Variants in ABLIM1 observed in about 807,000 individuals in gnomAD.
The protein encoded by ABLIM1 is actin binding LIM protein 1.
In ABLIM1, 40 loss-of-function variants were observed where a neutral mutation model predicts 107.0. The ratio of observed to expected loss-of-function variants is 0.37; its 90% CI spans 0.29 to 0.49. The LOEUF (loss-of-function observed/expected upper bound fraction) is 0.49. ABLIM1 is among the 20% of genes least tolerant of loss of function. The pLI is 0.97. For missense variants in ABLIM1, 857 were observed against 1,008.5 expected (o/e 0.85, Z 2.04); for synonymous variants, 357 against 357.3 (o/e 1.00, Z 0.01).
intron 6 of ABLIM1, among the ~76,000 whole-genome samples, chr10:114,519,961 T>A (rs1039585906): frequency 5.3e-5 from 8 of 152,254 alleles, no homozygotes. Context: ...CTGGCAAGGC[T>A]GCAGCCTCTG....
At chr10:114,768,275 C>G (rs919862486), upstream of ABLIM1, among the ~76,000 whole-genome samples, 1 of 146,410 alleles carries the variant, frequency 6.8e-6, no homozygotes, top group Non-Finnish European at 1.5e-5. Flanking sequence ...ACCCGCCGGG[C>G]GCGGCAGCGC....
intron 4 of ABLIM1, among the ~76,000 whole-genome samples, chr10:114,559,449 A>AAG (rs2069311088): frequency 7.2e-6 from 1 of 139,266 alleles, no homozygotes; most frequent in South Asian, 2.2e-4. Flanking sequence ...AAAAAAAAAA[A>AAG]AAAAAAAAAA....
At chr10:114,539,794 T>TC (rs2066437683) in intron 6 of ABLIM1, among the ~76,000 whole-genome samples, 1 of 150,990 alleles carries the variant, frequency 6.6e-6, no homozygotes, top group Non-Finnish European at 1.5e-5. Flanking sequence ...GATGCCCCAC[T>TC]CCCCCATGAC....
chr10:114,731,307 A>AT (rs1175388858), intron 1 of ABLIM1, among the ~76,000 whole-genome samples: 6 of 151,098 alleles, frequency 4.0e-5, no homozygotes, highest in Non-Finnish European at 7.4e-5. Context: ...CACCCAGATA[A>AT]TTTTTTTTAT....
chr10:114,523,770 T>C (rs1203752653), intron 6 of ABLIM1, among the ~76,000 whole-genome samples: 2 of 152,212 alleles, frequency 1.3e-5, no homozygotes, highest in African/African-American at 2.4e-5. Flanking sequence ...GGGTGGTCTT[T>C]CCATAGAAAT....
At chr10:114,773,218 A>C in the ABLIM1 span, among the ~76,000 whole-genome samples, 3 of 152,206 alleles carry the variant, frequency 2.0e-5, no homozygotes, top group Admixed American at 2.0e-4. Context: ...GAAATACAAT[A>C]TATACCAGGT....
chr10:114,594,641 T>C (rs1480076605), intron 2 of ABLIM1, among the ~76,000 whole-genome samples: 1 of 152,102 alleles, frequency 6.6e-6, no homozygotes, highest in Admixed American at 6.6e-5. Flanking sequence ...TCCCAGCTAT[T>C]AGGGAGGCTG....
At chr10:114,630,437 AATC>A (rs2078100624) in intron 1 of ABLIM1, among the ~76,000 whole-genome samples, 1 of 152,184 alleles carries the variant, frequency 6.6e-6, no homozygotes, top group South Asian at 2.1e-4. Flanking sequence ...ATTCACACCG[AATC>A]ATTTCACTCA....
At chr10:114,542,959 G>A (rs1323448815) in intron 6 of ABLIM1, among the ~76,000 whole-genome samples, 1 of 152,070 alleles carries the variant, frequency 6.6e-6, no homozygotes, top group Non-Finnish European at 1.5e-5. Context: ...AGTGTCCTTG[G>A]GTCAATAATT....
intron 6 of ABLIM1, among the ~76,000 whole-genome samples, chr10:114,494,775 G>C (rs1029980542): frequency 5.9e-5 from 9 of 152,182 alleles, no homozygotes; most frequent in African/African-American, 2.2e-4. Context: ...ACTAGGGTAA[G>C]TCTGATTGGA....
At chr10:114,510,703 T>C (rs1226897478) in intron 6 of ABLIM1, among the ~76,000 whole-genome samples, 2 of 151,878 alleles carry the variant, frequency 1.3e-5, no homozygotes, top group Non-Finnish European at 2.9e-5. Context: ...CAGGGTGGAA[T>C]GCAGTGATGC....
rs116206931 is a variant in ABLIM1, at chr10:114,626,677, T to C, written c.245-24716A>G. Among the ~76,000 whole-genome samples the C allele has an allele frequency of 5.2e-3, 785 of 152,270 alleles. 7 individuals carry two copies. The highest frequency in any genetic ancestry group is 0.018 in the African/African-American group (747 of 41,558). ...ATCTAACACTGATGCCTGCGTGTAA[T>C]GGGTTGGACTGCATCACCCTCCAAA... is the stretch of plus-strand genomic sequence containing the variant. On this transcript the variant is annotated intron_variant, in intron 1 of 22. Transcript: ENST00000533213.
At chr10:114,565,782 T>C (rs1434301538) in intron 4 of ABLIM1, among the ~76,000 whole-genome samples, 3 of 127,948 alleles carry the variant, frequency 2.3e-5, no homozygotes, top group African/African-American at 3.2e-5. Flanking sequence ...TTATCTGAAA[T>C]GATTTCTTTT....
rs760608454 is a variant in ABLIM1 at position 114,473,118 on chromosome 10, A to G, written c.1134T>C (p.Asn378=). ...CTAAATCCTTGTAATCCAGGATCTC[A>G]TTGTCTACTTTTGCCTGGCAAAGTT... ...PGHTIYAKVD[N]EILDYKDLAA... Residue 378 remains asparagine, a synonymous_variant, in exon 10 of 23, where the codon AAT becomes AAC. Coordinates refer to ENST00000533213, the MANE Select transcript of ABLIM1 (RefSeq NM_002313.7). 2 of 1,609,182 alleles carry G rather than the reference A, an allele frequency of 1.2e-6. No individual in the cohort carries two copies. The highest frequency in any genetic ancestry group is 1.1e-5 in the South Asian group (1 of 90,332).
chr10:114,530,931 C>A (rs1033748091), intron 6 of ABLIM1, among the ~76,000 whole-genome samples: 2 of 152,156 alleles, frequency 1.3e-5, no homozygotes, highest in Admixed American at 6.5e-5. Context: ...AAATTCACCA[C>A]GGGAAAAATA....
At chr10:114,691,016 T>C (rs994740895) in intron 1 of ABLIM1, among the ~76,000 whole-genome samples, 1 of 152,234 alleles carries the variant, frequency 6.6e-6, no homozygotes, top group Non-Finnish European at 1.5e-5. Flanking sequence ...ATTCTGACTA[T>C]AGTAAACATT....
chr10:114,587,620 G>C (rs534266365), intron 2 of ABLIM1, among the ~76,000 whole-genome samples: 8 of 152,246 alleles, frequency 5.3e-5, no homozygotes, highest in African/African-American at 1.9e-4. Flanking sequence ...CTAGTAGAAA[G>C]TTTGCTTGTT....
chr10:114,568,984 A>G (rs2071227897), intron 4 of ABLIM1, among the ~76,000 whole-genome samples: 1 of 152,190 alleles, frequency 6.6e-6, no homozygotes, highest in South Asian at 2.1e-4. Flanking sequence ...CCCAAATTAC[A>G]TGGCCAGAGA....
chr10:114,718,883 T>C (rs2081769986), intron 1 of ABLIM1, among the ~76,000 whole-genome samples: 1 of 152,176 alleles, frequency 6.6e-6, no homozygotes, highest in African/African-American at 2.4e-5. Flanking sequence ...TGCGTATACA[T>C]GTGGGAAAAG....
Sources: gnomAD v4.1 joint callset for allele counts (sites outside exome capture counted in the v4.1 genomes callset) on GRCh38, gnomAD v4.1.1 for gene constraint, MANE v1.5 for transcripts, NCBI Gene and HGNC (gene_info 2026-07-23, HGNC 2026-07-21) for gene names.